The following NAALADL2 variants were observed in gnomAD, a reference collection of about 807,000 sequenced individuals.
NAALADL2 encodes inactive N-acetylated-alpha-linked acidic dipeptidase-like protein 2.
A neutral mutation model predicts 87.2 loss-of-function variants in NAALADL2; 76 were observed. That is an observed-to-expected ratio of 0.87 (90% CI 0.72 to 1.05). The LOEUF is 1.05. Ranked by LOEUF, NAALADL2 falls within the 50% of genes least tolerant of loss-of-function variation. The probability of loss-of-function intolerance (pLI) is 0.00; values close to 1 mark genes in which losing one functional copy is unlikely to be tolerated. For synonymous variants in NAALADL2, 354 were observed against 331.0 expected, an observed-to-expected ratio of 1.07 and a Z score of -0.75; for missense variants, 1,089 against 945.8, an observed-to-expected ratio of 1.15 and a Z score of -1.99.
intron 5 of NAALADL2, among the ~76,000 whole-genome samples, chr3:175,370,501 G>A (rs528838699): frequency 1.5e-4 from 22 of 150,442 alleles, no homozygotes. Flanking sequence ...CCAATATATG[G>A]GGGGGGGAGG....
Position 174,602,968 on chromosome 3 carries a change from G to A in NAALADL2, c.-115+52331G>A, listed in dbSNP as rs529448165. ...TGTTGAACCATCATTACATTCCTGC[G>A]ATAATCCCACTTGGTAATGATGAAT... is the stretch of plus-strand genomic sequence containing the variant. On this transcript the variant is annotated intron_variant, in intron 2 of 3. Transcript: ENST00000434257. 1.1e-4 allele frequency among the ~76,000 whole-genome samples: 16 copies of A among 151,992 alleles called. No individual in the cohort carries two copies. The South Asian group carries it at 2.9e-3, about 28-fold the overall frequency.
chr3:174,833,193 A>T (rs754758077), intron 3 of NAALADL2, among the ~76,000 whole-genome samples: 1 of 152,186 alleles, frequency 6.6e-6, no homozygotes, highest in Non-Finnish European at 1.5e-5. Flanking sequence ...TATCTGTAAA[A>T]GAAGGAGATA....
At chr3:175,422,562 T>A (rs958103274) in intron 5 of NAALADL2, among the ~76,000 whole-genome samples, 1 of 151,732 alleles carries the variant, frequency 6.6e-6, no homozygotes, top group Non-Finnish European at 1.5e-5. Context: ...CTAGAAATCT[T>A]CTCCACAAAG....
At chr3:175,413,693 C>T (rs1325550454) in intron 5 of NAALADL2, among the ~76,000 whole-genome samples, 1 of 151,874 alleles carries the variant, frequency 6.6e-6, no homozygotes, top group Non-Finnish European at 1.5e-5. Flanking sequence ...GTTTCACTAC[C>T]TGGACGTCAT....
intron 5 of NAALADL2, among the ~76,000 whole-genome samples, chr3:175,355,514 G>C (rs948704314): frequency 2.0e-5 from 3 of 152,152 alleles, no homozygotes; most frequent in Non-Finnish European, 4.4e-5. Context: ...TTGCGCTCAG[G>C]CTGGCTGAAG....
At chr3:174,974,150 GTA>G in intron 1 of NAALADL2, among the ~76,000 whole-genome samples, 1 of 152,270 alleles carries the variant, frequency 6.6e-6, no homozygotes, top group African/African-American at 2.4e-5. Flanking sequence ...TCAATCAAGT[GTA>G]TACATTTTCA....
At chr3:175,018,863 A>G (rs1236813972) in intron 1 of NAALADL2, among the ~76,000 whole-genome samples, 3 of 151,094 alleles carry the variant, frequency 2.0e-5, no homozygotes, top group Non-Finnish European at 2.9e-5. Flanking sequence ...TTACTGTGAC[A>G]TAGAAAAAAC....
intron 1 of NAALADL2, among the ~76,000 whole-genome samples, chr3:174,942,845 AT>A (rs1405304453): frequency 6.6e-6 from 1 of 152,104 alleles, no homozygotes; most frequent in Non-Finnish European, 1.5e-5. Context: ...TTGTGATTGC[AT>A]TGTGAAATTC....
At chr3:175,533,528 G>A (rs1447694434) in intron 9 of NAALADL2, among the ~76,000 whole-genome samples, 5 of 152,134 alleles carry the variant, frequency 3.3e-5, no homozygotes, top group African/African-American at 4.8e-5. Context: ...CCACTACTGG[G>A]GATGGGGAAG....
intron 10 of NAALADL2, among the ~76,000 whole-genome samples, chr3:175,618,079 CCTT>C (rs1267276612): frequency 1.3e-5 from 2 of 152,316 alleles, no homozygotes. Context: ...AGGGCAACCT[CCTT>C]CTCAGCAGTA....
At chr3:175,511,452 G>T (rs1731140250) in intron 9 of NAALADL2, among the ~76,000 whole-genome samples, 1 of 152,178 alleles carries the variant, frequency 6.6e-6, no homozygotes, top group African/African-American at 2.4e-5. Context: ...ATGCACAAAG[G>T]AAGGGCCACG....
At chr3:175,025,325 A>G (rs1237796909) in intron 1 of NAALADL2, among the ~76,000 whole-genome samples, 1 of 152,172 alleles carries the variant, frequency 6.6e-6, no homozygotes, top group African/African-American at 2.4e-5. Context: ...CTAAAAAGCT[A>G]TTAAATAATG....
Position 174,483,399 on chromosome 3 carries a change from C to T in NAALADL2, c.-184+42367C>T, listed in dbSNP as rs77309616. On this transcript the variant is annotated intron_variant, in intron 1 of 3. Coordinates refer to the NAALADL2 transcript ENST00000434257. ...AGTCCCTTATAAGACCATCACATCT[C>T]GTGAGAATTCACTATTATGAGAACA... Among the ~76,000 whole-genome samples, 920 of 151,748 alleles carry T rather than the reference C, an allele frequency of 6.1e-3. 5 individuals carry two copies. Among genetic ancestry groups the T allele is most frequent in the Non-Finnish European group, 0.01 (692 of 67,870 alleles).
chr3:174,800,038 T>C (rs1272594383), intron 3 of NAALADL2, among the ~76,000 whole-genome samples: 1 of 152,096 alleles, frequency 6.6e-6, no homozygotes, highest in African/African-American at 2.4e-5. Context: ...GCATTCAAGA[T>C]GTGAGTTGGG....
rs1168817019 is a variant in NAALADL2 at position 175,588,534 on chromosome 3, C to CTTTTTTTTTTTTTTTTT, written c.1800+12353_1800+12369dup. Among the ~76,000 whole-genome samples, 367 of 78,124 alleles carry CTTTTTTTTTTTTTTTTT rather than the reference C, an allele frequency of 4.7e-3. 23 individuals are homozygous for CTTTTTTTTTTTTTTTTT. The highest frequency in any genetic ancestry group is 0.011 in the Middle Eastern group (1 of 90). The allele number at this position is 78,124 out of a possible 152,430, so 51.3% of individuals were successfully genotyped here. On this transcript the variant is annotated intron_variant, in intron 10 of 13. Transcript: ENST00000454872. ...TTAGGAGACTTTCTTTCTTTCTTTTCTTTTTTTTTTTTTTTTTTTTTTGAG... is the reference window on the plus strand; with the variant it reads ...TTAGGAGACTTTCTTTCTTTCTTTTCTTTTTTTTTTTTTTTTTTTTTTTTTTTTTTTTTTTTTTTGAG...
chr3:175,326,593 G>A (rs1760731805), intron 5 of NAALADL2, among the ~76,000 whole-genome samples: 1 of 152,190 alleles, frequency 6.6e-6, no homozygotes, highest in Non-Finnish European at 1.5e-5. Context: ...TTGAAACTGA[G>A]TAATTTATAA....
chr3:175,718,787 C>T (rs2150026480), intron 11 of NAALADL2: 1 of 738,168 alleles, frequency 1.4e-6, no homozygotes, highest in Non-Finnish European at 2.2e-6. Context: ...ATTAGCCAAG[C>T]ATGGTGACGC....
intron 1 of NAALADL2, among the ~76,000 whole-genome samples, chr3:174,978,441 A>C (rs914954100): frequency 5.9e-5 from 9 of 152,324 alleles, no homozygotes; most frequent in African/African-American, 2.2e-4. Flanking sequence ...AATATAATTT[A>C]TTAAAAGAGA....
chr3:174,735,951 A>G (rs1393722440), intron 2 of NAALADL2, among the ~76,000 whole-genome samples: 2 of 152,064 alleles, frequency 1.3e-5, no homozygotes, highest in East Asian at 3.9e-4. Context: ...GGGGTGTGTG[A>G]GTGAGCAAGC....
Sources: allele counts gnomAD v4.1 joint callset (sites outside exome capture counted in the v4.1 genomes callset), GRCh38; gene constraint gnomAD v4.1.1; transcripts MANE v1.5; gene names NCBI Gene and HGNC (gene_info 2026-07-23, HGNC 2026-07-21).